ACVR1C: variants seen among roughly 807,000 people sequenced by gnomAD.
ACVR1C encodes the protein activin receptor type-1C.
ACVR1C carries 23 observed loss-of-function variants against 57.9 expected under a neutral mutation model. The observed-to-expected ratio is 0.40, with a 90% CI of 0.29 to 0.56. The LOEUF (loss-of-function observed/expected upper bound fraction) is 0.56, where lower values mean the gene tolerates loss of function less well. ACVR1C is among the 20% of genes least tolerant of loss of function. The pLI is 0.50. For synonymous variants in ACVR1C, 214 were observed against 215.3 expected, an observed-to-expected ratio of 0.99 and a Z score of 0.05; for missense variants, 480 against 607.9, an observed-to-expected ratio of 0.79 and a Z score of 2.21.
At chr2:157,540,699 C>G (rs971184819) in intron 7 of ACVR1C, among the ~76,000 whole-genome samples, 2 of 152,106 alleles carry the variant, frequency 1.3e-5, no homozygotes, top group Admixed American at 1.3e-4. Context: ...TATCATATCA[C>G]AGGGAAGAAA....
At position 157,532,869 on chromosome 2, in the gene ACVR1C, C is replaced by G. The variant is rs528945616; in HGVS notation, c.*1049G>C. ...TCTTTTCTTTCTAAGTGTGTATGTACAAAGGAAATAGGGACCTCTGAATTG... is the reference window on the plus strand; with the variant it reads ...TCTTTTCTTTCTAAGTGTGTATGTAGAAAGGAAATAGGGACCTCTGAATTG... On this transcript the variant is annotated 3_prime_UTR_variant, in exon 9 of 9. Coordinates refer to ENST00000243349, the MANE Select transcript of ACVR1C (RefSeq NM_145259.3). 1 of 152,102 alleles carries G rather than the reference C, an allele frequency of 6.6e-6. No individual in the cohort carries two copies. The highest frequency in any genetic ancestry group is 2.1e-4 in the South Asian group (1 of 4,814). 9.4% of individuals were successfully genotyped at this position (152,102 alleles called of 1,614,324 possible).
At chr2:157,618,047 A>G (rs1285587194) in intron 1 of ACVR1C, among the ~76,000 whole-genome samples, 1 of 151,938 alleles carries the variant, frequency 6.6e-6, no homozygotes, top group African/African-American at 2.4e-5. Flanking sequence ...TGATTTATAC[A>G]AAGCAATGAA....
At chr2:157,575,509 T>A (rs746169200) in intron 2 of ACVR1C, among the ~76,000 whole-genome samples, 1 of 152,146 alleles carries the variant, frequency 6.6e-6, no homozygotes, top group Non-Finnish European at 1.5e-5. Flanking sequence ...GCTAAACAGA[T>A]CCCCCTGCCT....
intron 3 of ACVR1C, among the ~76,000 whole-genome samples, chr2:157,555,345 T>C (rs1412983384): frequency 6.6e-6 from 1 of 151,508 alleles, no homozygotes; most frequent in Non-Finnish European, 1.5e-5. Flanking sequence ...GGTCTCGATC[T>C]CCTGACCTCA....
At chr2:157,534,315 T>A (rs1687429335) in intron 8 of ACVR1C, among the ~76,000 whole-genome samples, 2 of 152,216 alleles carry the variant, frequency 1.3e-5, no homozygotes, top group South Asian at 2.1e-4. Context: ...TACCTGCCAT[T>A]GATGCTAACT....
intron 4 of ACVR1C, 145 bp downstream of exon 4, chr2:157,550,017 A>AAT: frequency 1.4e-6 from 1 of 693,252 alleles, no homozygotes; most frequent in South Asian, 2.1e-5. Context: ...AAAAAAAAAA[A>AAT]GAAAGAAAAG....
intron 2 of ACVR1C, among the ~76,000 whole-genome samples, chr2:157,578,007 A>G (rs953091992): frequency 4.2e-4 from 64 of 150,772 alleles, no homozygotes; most frequent in African/African-American, 1.4e-3. Context: ...GGCTCAAGCA[A>G]CCCTCCTGCC....
chr2:157,584,270 T>A (rs1233277209), intron 2 of ACVR1C, among the ~76,000 whole-genome samples: 1 of 151,546 alleles, frequency 6.6e-6, no homozygotes, highest in Non-Finnish European at 1.5e-5. Context: ...GCCCGGCTAA[T>A]TTTTTTTGTA....
At chr2:157,612,299 G>T (rs1354785366) in intron 1 of ACVR1C, among the ~76,000 whole-genome samples, 1 of 152,144 alleles carries the variant, frequency 6.6e-6, no homozygotes, top group East Asian at 1.9e-4. Flanking sequence ...GAGAGTGGGG[G>T]CTCAGTCACC....
At chr2:157,555,101 CTTTTTTTTTTT>C (rs60269781) in intron 3 of ACVR1C, among the ~76,000 whole-genome samples, 46 of 83,928 alleles carry the variant, frequency 5.5e-4, no homozygotes, top group Non-Finnish European at 8.6e-4. Context: ...ACTTTGAACG[CTTTTTTTTTTT>C]TTTTTTTTTT....
rs45501693 is a variant in ACVR1C at position 157,543,065 on chromosome 2, G to A, written c.944-203C>T. On this transcript the variant is annotated intron_variant, in intron 5 of 8. Transcript: ENST00000243349. ...AATAAACTGTAAACGAATAAGGACA[G>A]TAGCTGTTTTGTTCATCACCATGCC... Among the ~76,000 whole-genome samples, 6,546 of 152,284 alleles carry A rather than the reference G, an allele frequency of 0.043. 185 individuals are homozygous for A. Among genetic ancestry groups the A allele is most frequent in the Middle Eastern group, 0.075 (22 of 294 alleles).
At chr2:157,615,545 T>G (rs1019149144) in intron 1 of ACVR1C, among the ~76,000 whole-genome samples, 1 of 152,102 alleles carries the variant, frequency 6.6e-6, no homozygotes, top group African/African-American at 2.4e-5. Context: ...TGGCTAATTT[T>G]TTTCATTTTT....
intron 8 of ACVR1C, among the ~76,000 whole-genome samples, chr2:157,535,061 C>T (rs1179608626): frequency 1.3e-5 from 2 of 148,296 alleles, no homozygotes; most frequent in African/African-American, 2.5e-5. Flanking sequence ...GAGAGGATTG[C>T]TTAGGCCCGG....
intron 3 of ACVR1C, among the ~76,000 whole-genome samples, chr2:157,550,987 A>G (rs1687899941): frequency 6.6e-6 from 1 of 152,222 alleles, no homozygotes; most frequent in African/African-American, 2.4e-5. Context: ...GAATGTATGT[A>G]TAACGCTTAT....
At chr2:157,600,358 A>G (rs1247585979) in intron 1 of ACVR1C, among the ~76,000 whole-genome samples, 3 of 152,232 alleles carry the variant, frequency 2.0e-5, no homozygotes, top group African/African-American at 7.2e-5. Flanking sequence ...AATACAAAAA[A>G]TTAACGACAA....
chr2:157,585,220 A>G (rs982138411), intron 2 of ACVR1C, among the ~76,000 whole-genome samples: 4 of 152,196 alleles, frequency 2.6e-5, no homozygotes, highest in Non-Finnish European at 5.9e-5. Context: ...GAGATTATGA[A>G]TATGCTAATT....
chr2:157,571,879 G>T (rs200542846), intron 2 of ACVR1C, among the ~76,000 whole-genome samples: 4 of 482 alleles, frequency 8.3e-3, no homozygotes, highest in Admixed American at 0.043. Context: ...TATACCCAAA[G>T]GACTATAAAT....
chr2:157,609,050 G>T (rs1682470502), intron 1 of ACVR1C, among the ~76,000 whole-genome samples: 1 of 151,356 alleles, frequency 6.6e-6, no homozygotes, highest in Non-Finnish European at 1.5e-5. Context: ...GTTCATTGAG[G>T]TGCCTTGTTA....
At chr2:157,586,615 ACTG>A (rs1688927572) in intron 2 of ACVR1C, among the ~76,000 whole-genome samples, 1 of 152,172 alleles carries the variant, frequency 6.6e-6, no homozygotes, top group Non-Finnish European at 1.5e-5. Context: ...GGGATAAAGC[ACTG>A]TATAATATGA....
Sources: gnomAD v4.1 joint callset for allele counts (sites outside exome capture counted in the v4.1 genomes callset) on GRCh38, gnomAD v4.1.1 for gene constraint, MANE v1.5 for transcripts, NCBI Gene and HGNC (gene_info 2026-07-23, HGNC 2026-07-21) for gene names.